Variants in KIAA1328 observed in about 807,000 individuals in gnomAD.
KIAA1328 encodes the protein protein hinderin.
A neutral mutation model predicts 68.1 loss-of-function variants in KIAA1328; 52 were observed. The ratio of observed to expected loss-of-function variants is 0.76; its 90% CI spans 0.61 to 0.96. The LOEUF (loss-of-function observed/expected upper bound fraction) is 0.96. Among genes scored for constraint, KIAA1328 ranks in the 40% least tolerant of loss-of-function variants. The pLI is 0.00. For synonymous variants in KIAA1328, 232 were observed against 239.4 expected (o/e 0.97, Z 0.28); for missense variants, 641 against 677.6 (o/e 0.95, Z 0.60).
chr18:37,106,063 T>C (rs998441899), intron 7 of KIAA1328, among the ~76,000 whole-genome samples: 6 of 151,620 alleles, frequency 4.0e-5, no homozygotes, highest in Admixed American at 3.9e-4. Flanking sequence ...CAAAAATGTC[T>C]ATATGAATAT....
intron 8 of KIAA1328, among the ~76,000 whole-genome samples, chr18:37,167,864 T>C (rs907749745): frequency 6.6e-6 from 1 of 152,146 alleles, no homozygotes; most frequent in African/African-American, 2.4e-5. Flanking sequence ...TTTTCATCCC[T>C]GCACTTCCCT....
chr18:36,835,403 T>C lies in KIAA1328; in HGVS notation c.237+27T>C, dbSNP rs200962478. On this transcript the variant is annotated intron_variant, in intron 3 of 9. Coordinates refer to ENST00000280020, the MANE Select transcript of KIAA1328 (RefSeq NM_020776.3). ...TTAGTATTTTTTTCGTCTTTTTTTT[T>C]CCTTGCTCTCCAGTCTTTATGAGTG... The C allele has an allele frequency of 1.9e-4, 297 of 1,600,578 alleles. 3 individuals carry two copies. In the East Asian group the frequency reaches 3.5e-3, roughly 19 times the overall value.
Position 36,914,475 on chromosome 18 carries a change from A to G in KIAA1328, c.448+28803A>G, listed in dbSNP as rs545060357. The stretch of plus-strand genomic sequence containing the variant: ...GGTGGCTCATGCCTGTAATTCCAGC[A>G]CTTTGGGAGGCTGAGGTGGGGGGAT... On this transcript the variant is annotated intron_variant, in intron 5 of 9. Transcript: ENST00000280020. Among the ~76,000 whole-genome samples, 4 of 152,272 alleles carry G rather than the reference A, an allele frequency of 2.6e-5. No individual in the cohort carries two copies. In the East Asian group the frequency reaches 7.7e-4, roughly 29 times the overall value.
Position 37,067,343 on chromosome 18 carries a change from T to A in KIAA1328, c.1030T>A (p.Ser344Thr). The A allele has an allele frequency of 6.2e-7, 1 of 1,613,964 alleles. No individual in the cohort carries two copies. Residue 344 changes from serine (S) to threonine (T), a missense_variant, in exon 7 of 10, where the codon TCT becomes ACT. Physicochemically the swap from Ser to Thr is moderately conservative, Grantham distance 58. Transcript: ENST00000280020. Reference protein sequence around the residue: ...SCSYCRLSWASLVHGGGALQP... With the variant: ...SCSYCRLSWATLVHGGGALQP... ...CAGTTATTGTCGGCTTTCTTGGGCA[T>A]CTCTGGTGCATGGTGGTGGGGCACT...
chr18:36,889,129 A>G (rs2048596917), intron 5 of KIAA1328, among the ~76,000 whole-genome samples: 1 of 152,194 alleles, frequency 6.6e-6, no homozygotes, highest in Non-Finnish European at 1.5e-5. Context: ...TATTATTAAA[A>G]CATAAAAAGT....
chr18:37,138,948 C>CT (rs869053490), intron 7 of KIAA1328, among the ~76,000 whole-genome samples: 5,728 of 74,102 alleles, frequency 0.077, 1,965 homozygotes, highest in African/African-American at 0.32. Context: ...AAATTTTGTT[C>CT]TTTTTTTTTT....
chr18:36,910,554 G>A lies in KIAA1328; in HGVS notation c.448+24882G>A, dbSNP rs531918699. Among the ~76,000 whole-genome samples, 36 of 152,206 alleles carry A rather than the reference G, an allele frequency of 2.4e-4. 2 individuals carry two copies. In the South Asian group the frequency reaches 2.7e-3, roughly 11 times the overall value. Reference sequence around the variant, plus strand: ...ATAGTATAGTTTGAAGTCAGGTAGCGTGATGCCTCCAGCTTTGTTCTTTTT... The same window carrying A: ...ATAGTATAGTTTGAAGTCAGGTAGCATGATGCCTCCAGCTTTGTTCTTTTT... On this transcript the variant is annotated intron_variant, in intron 5 of 9. Coordinates refer to ENST00000280020, the MANE Select transcript of KIAA1328 (RefSeq NM_020776.3).
chr18:37,077,798 A>G (rs1479745936), intron 7 of KIAA1328, among the ~76,000 whole-genome samples: 3 of 150,576 alleles, frequency 2.0e-5, no homozygotes, highest in Non-Finnish European at 4.4e-5. Context: ...TTCAAGGAGA[A>G]CTACAAACCA....
intron 3 of KIAA1328, among the ~76,000 whole-genome samples, chr18:36,842,496 G>A (rs750995529): frequency 6.6e-6 from 1 of 152,124 alleles, no homozygotes; most frequent in Non-Finnish European, 1.5e-5. Context: ...CTTAGACTTA[G>A]CATCTCAAAG....
chr18:37,132,238 G>A (rs1202582072), intron 7 of KIAA1328, among the ~76,000 whole-genome samples: 1 of 152,116 alleles, frequency 6.6e-6, no homozygotes, highest in Non-Finnish European at 1.5e-5. Context: ...AAAAGGTCTT[G>A]TAGCATGCTT....
chr18:37,072,299 CT>C (rs56906463), intron 7 of KIAA1328, among the ~76,000 whole-genome samples: 60,224 of 146,948 alleles, frequency 0.41, 13,907 homozygotes, highest in African/African-American at 0.64. Flanking sequence ...GACAGGGTTG[CT>C]TTTTTTTTTT....
intron 9 of KIAA1328, among the ~76,000 whole-genome samples, chr18:37,174,559 GGATTTTTATTTTTATTTT>G (rs2059562971): frequency 7.1e-6 from 1 of 141,258 alleles, no homozygotes; most frequent in African/African-American, 2.5e-5. Context: ...ATTTTTTTTT[GGATTTTTATTTTTATTTT>G]TATTTTTATT....
At chr18:36,991,319 A>T (rs1360626253) in intron 6 of KIAA1328, among the ~76,000 whole-genome samples, 3 of 151,932 alleles carry the variant, frequency 2.0e-5, no homozygotes, top group African/African-American at 7.3e-5. Context: ...TAAGATTTAG[A>T]CTCTGGCTTG....
chr18:37,046,858 C>T (rs777663449), intron 6 of KIAA1328, among the ~76,000 whole-genome samples: 4 of 152,176 alleles, frequency 2.6e-5, no homozygotes, highest in East Asian at 1.9e-4. Context: ...CAGCTGGGCG[C>T]GGTGGCTCAC....
chr18:37,082,103 T>TAC (rs2056966764), intron 7 of KIAA1328, among the ~76,000 whole-genome samples: 1 of 151,336 alleles, frequency 6.6e-6, no homozygotes, highest in Non-Finnish European at 1.5e-5. Flanking sequence ...TCACGCTTTT[T>TAC]ATATATATAT....
intron 7 of KIAA1328, among the ~76,000 whole-genome samples, chr18:37,113,955 C>G (rs2058023821): frequency 6.6e-6 from 1 of 152,116 alleles, no homozygotes; most frequent in Admixed American, 6.6e-5. Context: ...CCAAGAAGAG[C>G]CAACCATCCT....
At chr18:36,973,830 T>TACACACACACACACAC (rs111392122) in intron 6 of KIAA1328, among the ~76,000 whole-genome samples, 5,298 of 147,324 alleles carry the variant, frequency 0.036, 116 homozygotes, top group Middle Eastern at 0.044. Context: ...CACACACACA[T>TACACACACACACACAC]ACACACACAC....
chr18:36,957,046 G>C (rs2051448213), intron 5 of KIAA1328, among the ~76,000 whole-genome samples: 1 of 152,156 alleles, frequency 6.6e-6, no homozygotes, highest in South Asian at 2.1e-4. Context: ...CTGTGAACCA[G>C]CTCCTCTTCT....
At chr18:37,057,358 T>G (rs1357843866) in intron 6 of KIAA1328, among the ~76,000 whole-genome samples, 1 of 152,046 alleles carries the variant, frequency 6.6e-6, no homozygotes, top group Non-Finnish European at 1.5e-5. Context: ...TAATGATGGT[T>G]CCATTTAAAG....
Sources: allele counts gnomAD v4.1 joint callset (sites outside exome capture counted in the v4.1 genomes callset), GRCh38; gene constraint gnomAD v4.1.1; transcripts MANE v1.5; gene names NCBI Gene and HGNC (gene_info 2026-07-23, HGNC 2026-07-21).